The following OR7C1 variants were observed in gnomAD, a reference collection of about 807,000 sequenced individuals.
OR7C1 encodes olfactory receptor 7C1.
For missense variants in OR7C1, 324 were observed against 383.3 expected (o/e 0.85, Z 1.29); for synonymous variants, 152 against 160.7 (o/e 0.95, Z 0.41).
intron 1 of OR7C1, among the ~76,000 whole-genome samples, chr19:14,821,046 T>G (rs915132183): frequency 2.0e-5 from 3 of 152,094 alleles, no homozygotes; most frequent in African/African-American, 7.2e-5. Context: ...GAGACCTGCC[T>G]GGCCAACATG....
At chr19:14,830,635 T>C (rs1188182704) in intron 1 of OR7C1, among the ~76,000 whole-genome samples, 1 of 152,210 alleles carries the variant, frequency 6.6e-6, no homozygotes, top group Non-Finnish European at 1.5e-5. Flanking sequence ...ACAATAGTAT[T>C]TAATTATGTC....
In OR7C1 at chr19:14,820,995, T is replaced by G. The variant is rs1040206611; in HGVS notation, c.-622-11002A>C. Reference sequence around the variant, plus strand: ...TGGGCCGGGCATGGTGGCTCACACCTGTAATCCCAGCACTTTGGGAGGCTG... The same window carrying G: ...TGGGCCGGGCATGGTGGCTCACACCGGTAATCCCAGCACTTTGGGAGGCTG... On this transcript the variant is annotated intron_variant, in intron 1 of 4. Coordinates refer to ENST00000641666, the Ensembl canonical transcript of OR7C1. 2.8e-4 allele frequency among the ~76,000 whole-genome samples: 42 copies of G among 152,276 alleles called. 1 individual carries two copies. The highest frequency in any genetic ancestry group is 4.9e-4 in the Non-Finnish European group (33 of 68,018).
intron 1 of OR7C1, among the ~76,000 whole-genome samples, chr19:14,828,535 C>T (rs1003817721): frequency 6.6e-6 from 1 of 151,828 alleles, no homozygotes; most frequent in African/African-American, 2.4e-5. Flanking sequence ...TCAAAGCAGG[C>T]GGATCACGAG....
intron 2 of OR7C1, among the ~76,000 whole-genome samples, chr19:14,803,031 G>A (rs548351694): frequency 6.6e-6 from 1 of 152,146 alleles, no homozygotes; most frequent in African/African-American, 2.4e-5. Context: ...TTGGGGCCAG[G>A]CGTCGTGGCT....
At chr19:14,801,589 A>G (rs1014706636) in intron 2 of OR7C1, among the ~76,000 whole-genome samples, 1 of 152,222 alleles carries the variant, frequency 6.6e-6, no homozygotes, top group Non-Finnish European at 1.5e-5. Flanking sequence ...AAACATAGAT[A>G]ATACCGTGGC....
At chr19:14,806,205 G>T (rs187254381) in intron 2 of OR7C1, among the ~76,000 whole-genome samples, 1 of 151,988 alleles carries the variant, frequency 6.6e-6, no homozygotes, top group East Asian at 1.9e-4. Context: ...GGCTGTTACT[G>T]TGTGTGAGGT....
intron 1 of OR7C1, among the ~76,000 whole-genome samples, chr19:14,832,976 C>T (rs1359814714): frequency 6.6e-6 from 1 of 152,144 alleles, no homozygotes; most frequent in African/African-American, 2.4e-5. Flanking sequence ...AACTCTTGCA[C>T]AGAGCAGATG....
chr19:14,832,010 A>G (rs960857199), intron 1 of OR7C1, among the ~76,000 whole-genome samples: 6 of 152,116 alleles, frequency 3.9e-5, no homozygotes, highest in African/African-American at 1.2e-4. Flanking sequence ...CTGGGCTTAT[A>G]TAATACTCAT....
In OR7C1 at chr19:14,800,281, G is replaced by A. The variant is rs921730331; in HGVS notation, c.-39C>T. On this transcript the variant is annotated 5_prime_UTR_variant, in exon 4 of 5. Coordinates refer to ENST00000641666, the Ensembl canonical transcript of OR7C1. ...CTTTTTCTTGCTGTCTTTTTCTGGG[G>A]CATCTGAAATTCTTCCATCCTTTTC... 1.1e-5 allele frequency: 10 copies of A among 909,890 alleles called. No homozygotes were observed. The Admixed American group carries it at 2.8e-4, about 26-fold the overall frequency. 56.4% of individuals were successfully genotyped at this position (909,890 alleles called of 1,614,324 possible).
chr19:14,814,243 C>G (rs763308155), intron 1 of OR7C1, among the ~76,000 whole-genome samples: 99 of 152,268 alleles, frequency 6.5e-4, no homozygotes, highest in Middle Eastern at 3.4e-3. Flanking sequence ...AAAAGACAAC[C>G]TATGGGTTGG....
intron 1 of OR7C1, among the ~76,000 whole-genome samples, chr19:14,813,627 A>G (rs1395443276): frequency 6.6e-6 from 1 of 152,076 alleles, no homozygotes; most frequent in East Asian, 1.9e-4. Context: ...GGTCCTTATG[A>G]CTGGGGAGGC....
intron 1 of OR7C1, among the ~76,000 whole-genome samples, chr19:14,812,867 C>T (rs562249193): frequency 4.6e-5 from 7 of 151,514 alleles, no homozygotes; most frequent in South Asian, 4.2e-4. Flanking sequence ...AGTTCAAGAC[C>T]GGCCTTGCCA....
intron 1 of OR7C1, among the ~76,000 whole-genome samples, chr19:14,822,371 G>GTTTTT (rs1452782683): frequency 1.1e-4 from 10 of 89,008 alleles, no homozygotes; most frequent in Non-Finnish European, 2.0e-4. Flanking sequence ...CTTATCTCCT[G>GTTTTT]TCTTTTTTTT....
At chr19:14,807,835 G>A (rs2044672598) in intron 2 of OR7C1, among the ~76,000 whole-genome samples, 1 of 151,524 alleles carries the variant, frequency 6.6e-6, no homozygotes, top group South Asian at 2.1e-4. Context: ...GGCGGAGCTT[G>A]CAGTGAGCCG....
At chr19:14,829,227 C>T (rs1209237936) in intron 1 of OR7C1, among the ~76,000 whole-genome samples, 7 of 152,178 alleles carry the variant, frequency 4.6e-5, no homozygotes, top group Admixed American at 4.6e-4. Context: ...TTTTTTGAGA[C>T]AGAGTCTCGC....
At chr19:14,807,710 C>T (rs549344115) in intron 2 of OR7C1, among the ~76,000 whole-genome samples, 3 of 151,896 alleles carry the variant, frequency 2.0e-5, no homozygotes, top group African/African-American at 7.3e-5. Flanking sequence ...TCCTGGCTAA[C>T]ACGGTGAAAC....
At chr19:14,830,229 A>G (rs1376024830) in intron 1 of OR7C1, among the ~76,000 whole-genome samples, 1 of 152,220 alleles carries the variant, frequency 6.6e-6, no homozygotes, top group East Asian at 1.9e-4. Context: ...AAGAAATTCC[A>G]GTTCACAAGT....
At chr19:14,815,785 G>C (rs1017954700) in intron 1 of OR7C1, among the ~76,000 whole-genome samples, 1 of 17,352 alleles carries the variant, frequency 5.8e-5, no homozygotes. Flanking sequence ...GAGTTTGTGC[G>C]TGTGTGTGTG....
At chr19:14,799,663 G>A (rs765247079) in exon 5 of OR7C1, 23 of 1,614,036 alleles carry the variant, frequency 1.4e-5, no homozygotes, top group Middle Eastern at 3.3e-4. Flanking sequence ...TCAAGGTCTC[G>A]AGCAGGGAAC....
Sources: allele counts gnomAD v4.1 joint callset (sites outside exome capture counted in the v4.1 genomes callset), GRCh38; gene constraint gnomAD v4.1.1; transcripts MANE v1.5; gene names NCBI Gene and HGNC (gene_info 2026-07-23, HGNC 2026-07-21).